The following ATM variants were observed in gnomAD, a reference collection of about 807,000 sequenced individuals.
ATM encodes the protein ATM serine/threonine kinase.
Under a neutral mutation model 387.0 loss-of-function variants are expected in ATM, and 308 were observed. The observed-to-expected ratio is 0.80, with a 90% CI of 0.73 to 0.87. The LOEUF is 0.87. Among genes scored for constraint, ATM ranks in the 40% least tolerant of loss-of-function variants. ATM has a pLI of 0.00. For missense variants in ATM, 3,312 were observed against 3,560.9 expected (o/e 0.93, Z 1.78); for synonymous variants, 1,156 against 1,187.3 (o/e 0.97, Z 0.54).
chr11:108,311,245 G>T (rs1210495278), intron 39 of ATM, among the ~76,000 whole-genome samples: 1 of 152,118 alleles, frequency 6.6e-6, no homozygotes, highest in African/African-American at 2.4e-5. Context: ...AAAGTGCTGG[G>T]ATTACAAGCA....
Position 108,330,223 on chromosome 11 carries a change from A to G in ATM, c.7317A>G (p.Val2439=), listed in dbSNP as rs878853542. The G allele has an allele frequency of 5.6e-6, 9 of 1,613,936 alleles. No homozygotes were observed. The highest frequency in any genetic ancestry group is 3.3e-4 in the Middle Eastern group (2 of 6,084). Residue 2439 remains valine, a synonymous_variant, in exon 50 of 63, where the codon GTA becomes GTG. Transcript: ENST00000675843. The stretch of plus-strand genomic sequence containing the variant: ...AATTATTCTATGCAAGATACACAGT[A>G]AAGGTTCAGCGAGAGCTGGAGTTGG... ...EHKIQTNRYT[V]KVQRELELDE...
intron 59 of ATM, among the ~76,000 whole-genome samples, chr11:108,350,775 A>G (rs1187506345): frequency 6.6e-6 from 1 of 152,144 alleles, no homozygotes; most frequent in African/African-American, 2.4e-5. Context: ...GGAAGATGCA[A>G]ATTAGAGGTA....
At chr11:108,295,118 G>A (rs908018125) in intron 32 of ATM, 59 bp downstream of exon 32, 1 of 1,599,642 alleles carries the variant, frequency 6.3e-7, no homozygotes, top group Non-Finnish European at 8.6e-7. Context: ...AGAATATTTT[G>A]CAAAGTCTTG....
chr11:108,249,230 C>G lies in ATM; in HGVS notation c.1235+128C>G, dbSNP rs2080011354. 3 of 1,062,542 alleles carry G rather than the reference C, an allele frequency of 2.8e-6. No individual in the cohort carries two copies. In the Admixed American group the frequency reaches 5.6e-5, roughly 20 times the overall value. 65.8% of individuals were successfully genotyped at this position (1,062,542 alleles called of 1,614,324 possible). A position where few individuals can be genotyped will look rare whatever the true frequency, so the allele number is the denominator to read the frequency against. The stretch of plus-strand genomic sequence containing the variant: ...CATTTGTCTACCCCCAAACCTATTA[C>G]TAGCAAAGGGATATGTGATTGCCAT... On this transcript the variant is annotated intron_variant, in intron 9 of 62. Transcript: ENST00000675843.
intron 61 of ATM, among the ~76,000 whole-genome samples, chr11:108,364,477 T>C (rs534577214): frequency 2.6e-5 from 4 of 152,336 alleles, no homozygotes; most frequent in South Asian, 4.1e-4. Context: ...ACACCTAATA[T>C]ATATCTCAAG....
chr11:108,237,813 C>T (rs1307588426), intron 5 of ATM, among the ~76,000 whole-genome samples: 1 of 149,594 alleles, frequency 6.7e-6, no homozygotes, highest in Non-Finnish European at 1.5e-5. Flanking sequence ...TGCATTGAAT[C>T]TGTTGCACAA....
rs375049090 is a variant in ATM, at chr11:108,247,111, C to T, written c.1049C>T (p.Ala350Val). The change falls in exon 8 of 63, where the codon GCA becomes GTA. Residue 350 changes from alanine to valine, a missense_variant. Coordinates refer to ENST00000675843, the MANE Select transcript of ATM (RefSeq NM_000051.4). ...AVKENLIELMADICHQVFNED... is the reference protein window; with the variant it reads ...AVKENLIELMVDICHQVFNED... Reference sequence around the variant, plus strand: ...AAAGAAAATTTGATTGAATTGATGGCAGATATCTGTCACCAGGTACAGTAA... The same window carrying T: ...AAAGAAAATTTGATTGAATTGATGGTAGATATCTGTCACCAGGTACAGTAA... The T allele has an allele frequency of 7.4e-6, 12 of 1,613,444 alleles. No homozygotes were observed. Among genetic ancestry groups the T allele is most frequent in the Admixed American group, 3.3e-5 (2 of 59,958 alleles).
chr11:108,354,344 A>G (rs1174242745), intron 60 of ATM, among the ~76,000 whole-genome samples: 1 of 152,074 alleles, frequency 6.6e-6, no homozygotes, highest in African/African-American at 2.4e-5. Context: ...CCAAACTACT[A>G]TTGGGTGCTC....
At position 108,327,669 on chromosome 11, in the gene ATM, T is replaced by C. The variant is rs1064793312; in HGVS notation, c.7000T>C (p.Tyr2334His). The C allele has an allele frequency of 6.2e-7, 1 of 1,613,968 alleles. No homozygotes were observed. The highest frequency in any genetic ancestry group is 1.3e-5 in the African/African-American group (1 of 75,042). ...AANNPSLKLTYTECLRVCGNW... is the reference protein window; with the variant it reads ...AANNPSLKLTHTECLRVCGNW... ...GAACAATCCCAGCCTAAAACTTACA[T>C]ACACAGAATGTCTGAGGGTTTGTGG... is the stretch of plus-strand genomic sequence containing the variant. Residue 2334 changes from tyrosine (Y) to histidine (H), a missense_variant, in exon 48 of 63, where the codon TAC becomes CAC. This residue lies in a region of ATM where 1,405 missense variants were observed against 1,604.4 expected (regional missense o/e 0.88). Transcript: ENST00000675843.
At chr11:108,245,944 C>T (rs1591507840) in intron 7 of ATM, among the ~76,000 whole-genome samples, 1 of 151,360 alleles carries the variant, frequency 6.6e-6, no homozygotes, top group Admixed American at 6.6e-5. Flanking sequence ...CCTGCCTCAG[C>T]GTTCTGATTA....
intron 26 of ATM, 58 bp from the exon 27 acceptor site, chr11:108,287,542 T>C (rs1002217479): frequency 8.0e-6 from 9 of 1,121,872 alleles, no homozygotes; most frequent in Non-Finnish European, 1.2e-5. Context: ...CCTTTTGAGC[T>C]GTCTTGACGT....
intron 52 of ATM, among the ~76,000 whole-genome samples, chr11:108,332,388 C>T (rs1018875054): frequency 3.3e-5 from 5 of 152,030 alleles, no homozygotes; most frequent in Non-Finnish European, 5.9e-5. Flanking sequence ...GCCAAGGTTG[C>T]GCCATTGCAC....
At position 108,354,886 on chromosome 11, in the gene ATM, T is replaced by C. The variant is rs1006139847; in HGVS notation, c.8850+12T>C. 1 of 1,604,198 alleles carries C rather than the reference T, an allele frequency of 6.2e-7. No individual in the cohort carries two copies. Among genetic ancestry groups the C allele is most frequent in the Non-Finnish European group, 8.5e-7 (1 of 1,171,206 alleles). On this transcript the variant is annotated intron_variant, in intron 61 of 62. Coordinates refer to ENST00000675843, the MANE Select transcript of ATM (RefSeq NM_000051.4). Reference sequence around the variant, plus strand: ...TAACCATTGTAGAGGTAAAGTATTTTATAAGGAAGACTTTATTTTTTTTCT... The same window carrying C: ...TAACCATTGTAGAGGTAAAGTATTTCATAAGGAAGACTTTATTTTTTTTCT...
At chr11:108,262,955 C>A (rs1443566607) in intron 16 of ATM, among the ~76,000 whole-genome samples, 5 of 151,642 alleles carry the variant, frequency 3.3e-5, no homozygotes, top group Admixed American at 1.3e-4. Context: ...ATATATGCAC[C>A]CACTACAGGA....
chr11:108,261,014 G>C (rs1326741940), intron 16 of ATM, among the ~76,000 whole-genome samples: 1 of 152,178 alleles, frequency 6.6e-6, no homozygotes, highest in African/African-American at 2.4e-5. Context: ...CTGATTGCTA[G>C]CACAGCAGTC....
intron 54 of ATM, 38 bp downstream of exon 54, chr11:108,334,006 A>AT (rs752819265): frequency 3.4e-6 from 5 of 1,487,598 alleles, no homozygotes; most frequent in Non-Finnish European, 4.7e-6. Context: ...TTTAAACTAA[A>AT]TTTTTTTTAT....
chr11:108,269,931 T>G (rs2081482086), intron 18 of ATM, among the ~76,000 whole-genome samples: 1 of 152,248 alleles, frequency 6.6e-6, no homozygotes, highest in Non-Finnish European at 1.5e-5. Flanking sequence ...TACATGCTTT[T>G]CTTGAAGTAT....
At chr11:108,242,619 G>A (rs1332841244) in intron 5 of ATM, among the ~76,000 whole-genome samples, 1 of 152,078 alleles carries the variant, frequency 6.6e-6, no homozygotes, top group East Asian at 1.9e-4. Flanking sequence ...CAGCACTTTC[G>A]GAGGCTGAGG....
intron 57 of ATM, among the ~76,000 whole-genome samples, chr11:108,344,679 C>T (rs1044585815): frequency 6.6e-6 from 1 of 151,814 alleles, no homozygotes; most frequent in Non-Finnish European, 1.5e-5. Context: ...ATGAAGGAGG[C>T]AGAATTCATA....
Sources: allele counts gnomAD v4.1 joint callset (sites outside exome capture counted in the v4.1 genomes callset), GRCh38; gene constraint gnomAD v4.1.1; regional missense constraint gnomAD v4.1.1; transcripts MANE v1.5; gene names NCBI Gene and HGNC (gene_info 2026-07-23, HGNC 2026-07-21).